Variants in GBE1 observed in about 807,000 individuals in gnomAD.
GBE1 encodes the protein 1,4-alpha-glucan branching enzyme 1.
In GBE1, 70 loss-of-function variants were observed where a neutral mutation model predicts 88.8. The observed-to-expected ratio is 0.79, with a 90% CI of 0.65 to 0.96. GBE1 has a LOEUF of 0.96. Ranked by LOEUF, GBE1 falls within the 40% of genes least tolerant of loss-of-function variation. The pLI, the probability that GBE1 is intolerant of heterozygous loss-of-function variation, is 0.00. For synonymous variants in GBE1, 284 were observed against 300.1 expected (o/e 0.95, Z 0.56); for missense variants, 872 against 871.0 (o/e 1.00, Z -0.01).
intron 2 of GBE1, among the ~76,000 whole-genome samples, chr3:81,681,360 C>T (rs1188409179): frequency 6.6e-6 from 1 of 152,184 alleles, no homozygotes; most frequent in African/African-American, 2.4e-5. Flanking sequence ...TCACTATCAA[C>T]TGCAACTTAA....
At chr3:81,601,134 G>A (rs1176621058) in intron 7 of GBE1, among the ~76,000 whole-genome samples, 1 of 152,046 alleles carries the variant, frequency 6.6e-6, no homozygotes, top group African/African-American at 2.4e-5. Flanking sequence ...AGAATAGAAA[G>A]GGGAAATGTG....
At chr3:81,573,986 A>G (rs1703610872) in intron 12 of GBE1, among the ~76,000 whole-genome samples, 1 of 152,208 alleles carries the variant, frequency 6.6e-6, no homozygotes, top group Admixed American at 6.5e-5. Context: ...AGACTTCCTC[A>G]CACATGAAAG....
chr3:81,643,517 A>C (rs1704721630), intron 6 of GBE1, among the ~76,000 whole-genome samples: 1 of 152,168 alleles, frequency 6.6e-6, no homozygotes, highest in African/African-American at 2.4e-5. Context: ...TGGGTAGCTC[A>C]CAAGCAGGTG....
At chr3:81,629,922 T>C (rs369526296) in intron 7 of GBE1, among the ~76,000 whole-genome samples, 9 of 149,548 alleles carry the variant, frequency 6.0e-5, no homozygotes, top group East Asian at 2.0e-4. Flanking sequence ...TGTGTCCATG[T>C]GTTCTCATTG....
chr3:81,674,022 A>G (rs1705222523), intron 2 of GBE1, among the ~76,000 whole-genome samples: 1 of 151,956 alleles, frequency 6.6e-6, no homozygotes, highest in Non-Finnish European at 1.5e-5. Flanking sequence ...CTGCAAGCAT[A>G]TATGTATGAA....
chr3:81,557,100 T>C (rs1407998657), intron 12 of GBE1, among the ~76,000 whole-genome samples: 1 of 152,028 alleles, frequency 6.6e-6, no homozygotes. Flanking sequence ...TCAAAAATGA[T>C]ACAGCCAGGA....
intron 10 of GBE1, among the ~76,000 whole-genome samples, chr3:81,582,885 T>C (rs1448900973): frequency 1.3e-5 from 2 of 151,970 alleles, no homozygotes; most frequent in Non-Finnish European, 2.9e-5. Context: ...ACTAGCTTCA[T>C]CAAAATTTTT....
chr3:81,547,652 TC>T (rs1703225019), intron 12 of GBE1, among the ~76,000 whole-genome samples: 3 of 150,398 alleles, frequency 2.0e-5, no homozygotes, highest in African/African-American at 7.3e-5. Flanking sequence ...TCTCTCTCTC[TC>T]TCTCTCTCTC....
intron 7 of GBE1, among the ~76,000 whole-genome samples, chr3:81,608,075 G>C (rs1704127476): frequency 6.6e-6 from 1 of 152,160 alleles, no homozygotes; most frequent in Non-Finnish European, 1.5e-5. Context: ...TCATGTTGTT[G>C]AAAGTCACTA....
At chr3:81,498,481 T>C (rs1702544355) in intron 15 of GBE1, among the ~76,000 whole-genome samples, 1 of 152,202 alleles carries the variant, frequency 6.6e-6, no homozygotes, top group African/African-American at 2.4e-5. Flanking sequence ...TACTAAATTC[T>C]ACATATTTTA....
chr3:81,737,866 A>C (rs1156805652), intron 1 of GBE1, among the ~76,000 whole-genome samples: 38 of 152,128 alleles, frequency 2.5e-4, no homozygotes, highest in Non-Finnish European at 1.5e-5. Flanking sequence ...CTCGTCATCT[A>C]GCATTAGGTA....
intron 3 of GBE1, among the ~76,000 whole-genome samples, chr3:81,666,843 C>A (rs1293191314): frequency 6.6e-6 from 1 of 152,020 alleles, no homozygotes; most frequent in Admixed American, 6.6e-5. Flanking sequence ...TTTTAATTGC[C>A]TAAAAAGCAC....
At chr3:81,689,954 AC>A (rs1220490767) in intron 2 of GBE1, among the ~76,000 whole-genome samples, 3 of 151,930 alleles carry the variant, frequency 2.0e-5, no homozygotes, top group Admixed American at 6.6e-5. Flanking sequence ...ACCCAATAAA[AC>A]TGTGCCTTAC....
intron 7 of GBE1, among the ~76,000 whole-genome samples, chr3:81,630,319 A>G (rs1318369592): frequency 2.0e-5 from 3 of 152,162 alleles, no homozygotes; most frequent in Admixed American, 6.5e-5. Flanking sequence ...GGAAGAATCA[A>G]TATCGTGAAA....
intron 12 of GBE1, among the ~76,000 whole-genome samples, chr3:81,541,760 A>G (rs574729785): frequency 6.6e-6 from 1 of 152,058 alleles, no homozygotes; most frequent in Non-Finnish European, 1.5e-5. Context: ...TAAGCCACCC[A>G]GTCTATGGTG....
chr3:81,659,866 A>G (rs1704998031), intron 3 of GBE1, among the ~76,000 whole-genome samples: 1 of 151,824 alleles, frequency 6.6e-6, no homozygotes, highest in Non-Finnish European at 1.5e-5. Flanking sequence ...GTTAATGACT[A>G]TTAAATAAAC....
At chr3:81,527,064 C>T (rs975639383) in intron 14 of GBE1, among the ~76,000 whole-genome samples, 25 of 152,054 alleles carry the variant, frequency 1.6e-4, no homozygotes, top group African/African-American at 5.3e-4. Context: ...GAAATAATGC[C>T]GCATATCTAC....
chr3:81,698,624 A>G (rs188804824), intron 2 of GBE1, among the ~76,000 whole-genome samples: 43 of 152,310 alleles, frequency 2.8e-4, no homozygotes, highest in African/African-American at 1.0e-3. Context: ...ATCACTTTAT[A>G]TAAAATTATG....
rs1249533405 is a variant in GBE1 at position 81,710,295 on chromosome 3, CG to C, written c.144-4683del. On this transcript the variant is annotated intron_variant, in intron 1 of 15. Coordinates refer to ENST00000429644, the MANE Select transcript of GBE1 (RefSeq NM_000158.4). Reference sequence around the variant, plus strand: ...TGTTGCCCAGGCTGGAGTGCAGTGCCGCGATCTCGGCTCACTACAAGCTCCG... The same window carrying C: ...TGTTGCCCAGGCTGGAGTGCAGTGCCCGATCTCGGCTCACTACAAGCTCCG... Among the ~76,000 whole-genome samples the C allele has an allele frequency of 5.3e-4, 67 of 126,110 alleles. 1 individual carries two copies. The highest frequency in any genetic ancestry group is 2.0e-3 in the African/African-American group (64 of 31,962). 82.7% of individuals were successfully genotyped at this position (126,110 alleles called of 152,430 possible). A position where few individuals can be genotyped will look rare whatever the true frequency, so the allele number is the denominator to read the frequency against.
Sources: allele counts gnomAD v4.1 joint callset (sites outside exome capture counted in the v4.1 genomes callset), GRCh38; gene constraint gnomAD v4.1.1; transcripts MANE v1.5; gene names NCBI Gene and HGNC (gene_info 2026-07-23, HGNC 2026-07-21).